Variants in ZNF804A observed in about 807,000 individuals in gnomAD.
The protein encoded by ZNF804A is zinc finger protein 804A.
ZNF804A carries 2 observed loss-of-function variants against 16.5 expected under a neutral mutation model. That is an observed-to-expected ratio of 0.12 (90% CI 0.05 to 0.38). ZNF804A has a LOEUF of 0.38. Ranked by LOEUF, ZNF804A falls within the 10% of genes least tolerant of loss-of-function variation. The probability of loss-of-function intolerance (pLI) is 0.99; values close to 1 mark genes in which losing one functional copy is unlikely to be tolerated. For missense variants in ZNF804A, 1,473 were observed against 1,390.7 expected, an observed-to-expected ratio of 1.06 and a Z score of -0.94; for synonymous variants, 534 against 489.6, an observed-to-expected ratio of 1.09 and a Z score of -1.20.
chr2:184,653,567 G>A (rs1476306821), intron 1 of ZNF804A, among the ~76,000 whole-genome samples: 4 of 152,232 alleles, frequency 2.6e-5, no homozygotes, highest in Admixed American at 6.5e-5. Context: ...TTTGGAGATC[G>A]AGTGCAGAGT....
intron 2 of ZNF804A, among the ~76,000 whole-genome samples, chr2:184,909,183 C>T (rs1320716417): frequency 1.3e-5 from 2 of 151,998 alleles, no homozygotes; most frequent in Non-Finnish European, 2.9e-5. Flanking sequence ...CAGACAGCAA[C>T]AATGAAATGA....
intron 1 of ZNF804A, among the ~76,000 whole-genome samples, chr2:184,814,873 A>T (rs768103516): frequency 6.6e-6 from 1 of 152,036 alleles, no homozygotes; most frequent in Non-Finnish European, 1.5e-5. Flanking sequence ...AATTTTAAGT[A>T]TAAGAGAAAT....
chr2:184,825,184 A>G lies in ZNF804A; in HGVS notation c.112-41185A>G, dbSNP rs541495013. 4.6e-5 allele frequency among the ~76,000 whole-genome samples: 7 copies of G among 152,286 alleles called. No homozygotes were observed. In the South Asian group the frequency reaches 1.0e-3, roughly 23 times the overall value. Reference sequence around the variant, plus strand: ...TTTTTCACTTCTAGCAATTAACACAATGTTGATGTACAAATAGGTAGTCAC... The same window carrying G: ...TTTTTCACTTCTAGCAATTAACACAGTGTTGATGTACAAATAGGTAGTCAC... On this transcript the variant is annotated intron_variant, in intron 1 of 3. Coordinates refer to ENST00000302277, the MANE Select transcript of ZNF804A (RefSeq NM_194250.2).
chr2:184,707,115 C>A (rs981345753), intron 1 of ZNF804A, among the ~76,000 whole-genome samples: 2 of 152,094 alleles, frequency 1.3e-5, no homozygotes, highest in Non-Finnish European at 2.9e-5. Context: ...ACTGACCTTG[C>A]AGATCCAAAT....
intron 2 of ZNF804A, among the ~76,000 whole-genome samples, chr2:184,881,884 C>G (rs1417579839): frequency 6.6e-6 from 1 of 151,990 alleles, no homozygotes; most frequent in Non-Finnish European, 1.5e-5. Context: ...AACATGTAAA[C>G]AAGTCTATAT....
chr2:184,697,022 T>C (rs972938436), intron 1 of ZNF804A, among the ~76,000 whole-genome samples: 1 of 152,010 alleles, frequency 6.6e-6, no homozygotes, highest in Non-Finnish European at 1.5e-5. Context: ...GTGACTTCAG[T>C]AATTTAGTAT....
intron 2 of ZNF804A, among the ~76,000 whole-genome samples, chr2:184,867,451 C>T (rs760677449): frequency 9.9e-5 from 15 of 151,974 alleles, no homozygotes; most frequent in Non-Finnish European, 1.5e-4. Flanking sequence ...TCATGTTAAA[C>T]GATAATGAAC....
chr2:184,718,691 C>T (rs537148788), intron 1 of ZNF804A, among the ~76,000 whole-genome samples: 46 of 152,244 alleles, frequency 3.0e-4, no homozygotes, highest in African/African-American at 1.1e-3. Context: ...CTCCATGTCT[C>T]ACATCCAGGT....
intron 1 of ZNF804A, among the ~76,000 whole-genome samples, chr2:184,653,219 C>T (rs1004908463): frequency 6.6e-6 from 1 of 152,104 alleles, no homozygotes; most frequent in Non-Finnish European, 1.5e-5. Context: ...AAACAACAAC[C>T]AGGTGTTATT....
chr2:184,848,233 T>C (rs1695549640), intron 1 of ZNF804A, among the ~76,000 whole-genome samples: 1 of 151,972 alleles, frequency 6.6e-6, no homozygotes, highest in Non-Finnish European at 1.5e-5. Flanking sequence ...AAGGCACTAA[T>C]CACTTGGGAG....
In ZNF804A at chr2:184,812,270, C is replaced by T. The variant is rs191223339; in HGVS notation, c.112-54099C>T. 1.4e-4 allele frequency among the ~76,000 whole-genome samples: 22 copies of T among 152,248 alleles called. 1 individual carries two copies. In the East Asian group the frequency reaches 3.3e-3, roughly 23 times the overall value. Reference sequence around the variant, plus strand: ...TGCTGTCTCTAGTTCGCCAACCACACATTGTCTGAGTTGGGATATTCTGTG... The same window carrying T: ...TGCTGTCTCTAGTTCGCCAACCACATATTGTCTGAGTTGGGATATTCTGTG... On this transcript the variant is annotated intron_variant, in intron 1 of 3. Coordinates refer to ENST00000302277, the MANE Select transcript of ZNF804A (RefSeq NM_194250.2).
intron 1 of ZNF804A, among the ~76,000 whole-genome samples, chr2:184,864,898 T>TTTTTTG (rs1695851665): frequency 1.3e-5 from 2 of 148,828 alleles, no homozygotes; most frequent in African/African-American, 5.0e-5. Context: ...TTTTTTTTTT[T>TTTTTTG]GAGGCAGATT....
At chr2:184,672,203 T>C (rs1692347927) in intron 1 of ZNF804A, among the ~76,000 whole-genome samples, 1 of 152,210 alleles carries the variant, frequency 6.6e-6, no homozygotes, top group Admixed American at 6.5e-5. Flanking sequence ...TAAAGGCTAC[T>C]TTTGTACTAT....
rs1696034085 is a variant in ZNF804A at position 184,875,175 on chromosome 2, T to A, written c.255+8663T>A. Among the ~76,000 whole-genome samples, 3 of 152,266 alleles carry A rather than the reference T, an allele frequency of 2.0e-5. No individual in the cohort carries two copies. In the South Asian group the frequency reaches 6.2e-4, roughly 31 times the overall value. ...GGCAATGGCCTAGTTAATGTGACTC[T>A]TCATGCTAGTATAATGTAAAGTTAA... On this transcript the variant is annotated intron_variant, in intron 2 of 3. Coordinates refer to ENST00000302277, the MANE Select transcript of ZNF804A (RefSeq NM_194250.2).
rs140751475 is a variant in ZNF804A at position 184,627,932 on chromosome 2, C to G, written c.111+28862C>G. Among the ~76,000 whole-genome samples the G allele has an allele frequency of 9.2e-3, 1,396 of 152,268 alleles. 23 individuals carry two copies. The highest frequency in any genetic ancestry group is 0.032 in the African/African-American group (1,330 of 41,540). ...TTAAAACAGAGGAAGAACTGGTTTA[C>G]TCAATATTTATTCAACATGGAGTTT... On this transcript the variant is annotated intron_variant, in intron 1 of 3. Coordinates refer to ENST00000302277, the MANE Select transcript of ZNF804A (RefSeq NM_194250.2).
At chr2:184,885,677 G>C (rs992208161) in intron 2 of ZNF804A, among the ~76,000 whole-genome samples, 1 of 152,152 alleles carries the variant, frequency 6.6e-6, no homozygotes, top group Non-Finnish European at 1.5e-5. Flanking sequence ...ATCATGGCTG[G>C]AGGTGAAAGG....
chr2:184,779,246 C>T (rs1315161063), intron 1 of ZNF804A, among the ~76,000 whole-genome samples: 3 of 151,718 alleles, frequency 2.0e-5, no homozygotes, highest in Non-Finnish European at 4.4e-5. Flanking sequence ...TTGGGTTGGC[C>T]TCTCATCTGT....
chr2:184,876,040 A>G (rs1684667796), intron 2 of ZNF804A, among the ~76,000 whole-genome samples: 1 of 152,158 alleles, frequency 6.6e-6, no homozygotes, highest in Non-Finnish European at 1.5e-5. Context: ...ACCTCCCAAC[A>G]GGCACTGAAG....
chr2:184,793,224 G>A (rs1039338227), intron 1 of ZNF804A, among the ~76,000 whole-genome samples: 1 of 152,218 alleles, frequency 6.6e-6, no homozygotes, highest in Non-Finnish European at 1.5e-5. Flanking sequence ...GAATAGCACA[G>A]CAATGAGCAT....
Sources: allele counts gnomAD v4.1 joint callset (sites outside exome capture counted in the v4.1 genomes callset), GRCh38; gene constraint gnomAD v4.1.1; transcripts MANE v1.5; gene names NCBI Gene and HGNC (gene_info 2026-07-23, HGNC 2026-07-21).